TAF2: variants seen among roughly 807,000 people sequenced by gnomAD.
TAF2 encodes transcription initiation factor TFIID subunit 2.
Under a neutral mutation model 138.5 loss-of-function variants are expected in TAF2, and 61 were observed. The ratio of observed to expected loss-of-function variants is 0.44; its 90% CI spans 0.36 to 0.54. The LOEUF (loss-of-function observed/expected upper bound fraction) is 0.54, where lower values mean the gene tolerates loss of function less well. Ranked by LOEUF, TAF2 falls within the 20% of genes least tolerant of loss-of-function variation. The pLI is 0.00. For synonymous variants in TAF2, 475 were observed against 469.9 expected (o/e 1.01, Z -0.14); for missense variants, 1,090 against 1,427.9 (o/e 0.76, Z 3.81).
Position 119,819,515 on chromosome 8 carries a change from A to G in TAF2, c.139-9T>C. On this transcript the variant is annotated splice_polypyrimidine_tract_variant and intron_variant, in intron 2 of 25. Coordinates refer to ENST00000378164, the MANE Select transcript of TAF2 (RefSeq NM_003184.4). ...GTCAGTTCCACAAATCCCTGTAAAG[A>G]TAGAGAATAACAACTTCATTATAAA... 1 of 1,599,266 alleles carries G rather than the reference A, an allele frequency of 6.3e-7. No homozygotes were observed. The highest frequency in any genetic ancestry group is 8.5e-7 in the Non-Finnish European group (1 of 1,174,740).
At chr8:119,776,281 A>ATT (rs1245127718) in intron 18 of TAF2, among the ~76,000 whole-genome samples, 5 of 151,968 alleles carry the variant, frequency 3.3e-5, no homozygotes, top group African/African-American at 1.2e-4. Flanking sequence ...TGAATGTTAA[A>ATT]CTAAAGAGGC....
At chr8:119,774,251 G>A (rs1822060929) in intron 18 of TAF2, among the ~76,000 whole-genome samples, 1 of 152,002 alleles carries the variant, frequency 6.6e-6, no homozygotes, top group Non-Finnish European at 1.5e-5. Context: ...ACTCATCACA[G>A]TATCATCAAA....
Position 119,731,486 on chromosome 8 carries a change from T to C in TAF2, c.*438A>G, listed in dbSNP as rs1362996319. On this transcript the variant is annotated 3_prime_UTR_variant, in exon 26 of 26. Transcript: ENST00000378164. ...TTTTCAGTAGTTCCAAATGGTGTTATACAATATTTCACTGGAGATAGTGGT... is the reference window on the plus strand; with the variant it reads ...TTTTCAGTAGTTCCAAATGGTGTTACACAATATTTCACTGGAGATAGTGGT... The C allele has an allele frequency of 1.5e-5, 3 of 206,622 alleles. No individual in the cohort carries two copies. The highest frequency in any genetic ancestry group is 3.0e-5 in the Non-Finnish European group (3 of 100,476). 12.8% of individuals were successfully genotyped at this position (206,622 alleles called of 1,614,324 possible).
chr8:119,799,515 T>C (rs1326926230), intron 6 of TAF2, among the ~76,000 whole-genome samples: 1 of 152,206 alleles, frequency 6.6e-6, no homozygotes, highest in Non-Finnish European at 1.5e-5. Context: ...TAGTATTCCA[T>C]GATGCATATG....
chr8:119,772,328 T>C (rs575576533), intron 18 of TAF2, among the ~76,000 whole-genome samples: 7 of 152,328 alleles, frequency 4.6e-5, no homozygotes, highest in African/African-American at 1.7e-4. Flanking sequence ...TGGAAGCCAT[T>C]ATCCTAAGTG....
rs758792791 is a variant in TAF2, at chr8:119,795,592, G to A, written c.1131C>T (p.Ile377=). 1.2e-6 allele frequency: 2 copies of A among 1,613,614 alleles called. No homozygotes were observed. Among genetic ancestry groups the A allele is most frequent in the East Asian group, 2.2e-5 (1 of 44,838 alleles). The change falls in exon 9 of 26, where the codon ATC becomes ATT. Residue 377 remains isoleucine (I), a synonymous_variant. Coordinates refer to ENST00000378164, the MANE Select transcript of TAF2 (RefSeq NM_003184.4). ...EWVLKGISGY[I]YGLWMKKTFG... ...AAGTTTTTTTCATCCAAAGTCCATAGATATAGCCTGAAATTCCCTTCAGCA... is the reference window on the plus strand; with the variant it reads ...AAGTTTTTTTCATCCAAAGTCCATAAATATAGCCTGAAATTCCCTTCAGCA...
chr8:119,819,925 A>T (rs1433900037), intron 2 of TAF2, among the ~76,000 whole-genome samples: 1 of 152,238 alleles, frequency 6.6e-6, no homozygotes, highest in African/African-American at 2.4e-5. Context: ...ATACCACTGA[A>T]GCTAACAAGT....
chr8:119,795,209 G>A (rs1823739014), intron 9 of TAF2, among the ~76,000 whole-genome samples: 1 of 152,118 alleles, frequency 6.6e-6, no homozygotes, highest in Non-Finnish European at 1.5e-5. Context: ...ACAGAGACTT[G>A]GAAAGATTAA....
rs956748 is a variant in TAF2, at chr8:119,732,109, T to C, written c.3415A>G (p.Thr1139Ala). ...APLSVFTKES[T>A]ASKHSDHHHH... ...TGGTGGTCACTGTGTTTGGAGGCTGTAGATTCCTTAGTAAAGACTGAGAGT... is the reference window on the plus strand; with the variant it reads ...TGGTGGTCACTGTGTTTGGAGGCTGCAGATTCCTTAGTAAAGACTGAGAGT... Residue 1139 changes from threonine to alanine, a missense_variant, in exon 26 of 26, where the codon ACA (threonine) becomes GCA (alanine). Physicochemically the swap from Thr to Ala is moderately conservative, Grantham distance 58 (BLOSUM62 0). This residue lies in a region of TAF2 where 580 missense variants were observed against 719.6 expected (regional missense o/e 0.81). Transcript: ENST00000378164. 143,942 of 1,613,892 alleles carry C rather than the reference T, an allele frequency of 0.089. 11,697 individuals carry two copies. Among genetic ancestry groups the C allele is most frequent in the African/African-American group, 0.43 (32,148 of 74,944 alleles).
chr8:119,831,949 A>C (rs1826476561), intron 1 of TAF2, among the ~76,000 whole-genome samples: 1 of 152,170 alleles, frequency 6.6e-6, no homozygotes, highest in African/African-American at 2.4e-5. Flanking sequence ...TCACGAGGTC[A>C]AGAGTTCGAG....
chr8:119,745,811 G>C (rs1027724955), intron 23 of TAF2, among the ~76,000 whole-genome samples: 183 of 139,408 alleles, frequency 1.3e-3, no homozygotes, highest in Admixed American at 5.2e-3. Flanking sequence ...GTGTGTGTGT[G>C]TGTGTGTGTG....
intron 5 of TAF2, among the ~76,000 whole-genome samples, chr8:119,802,846 A>T (rs1036300090): frequency 3.3e-5 from 5 of 152,188 alleles, no homozygotes; most frequent in African/African-American, 9.6e-5. Flanking sequence ...TGGAAGGTGG[A>T]GGTTGCATGA....
chr8:119,800,515 G>C (rs983814683), intron 6 of TAF2, among the ~76,000 whole-genome samples: 3 of 152,018 alleles, frequency 2.0e-5, no homozygotes, highest in African/African-American at 7.2e-5. Flanking sequence ...CTCTGTTTTG[G>C]TACCAGTACC....
intron 23 of TAF2, among the ~76,000 whole-genome samples, chr8:119,746,373 CA>C (rs11392436): frequency 0.13 from 6,875 of 53,890 alleles, 78 homozygotes; most frequent in South Asian, 0.21. Context: ...AACTCTGTCT[CA>C]AAAAAAAAAA....
At chr8:119,818,976 T>C (rs1825659776) in intron 3 of TAF2, among the ~76,000 whole-genome samples, 1 of 152,172 alleles carries the variant, frequency 6.6e-6, no homozygotes, top group Non-Finnish European at 1.5e-5. Context: ...TATAGAATAT[T>C]TTAAAGTAGC....
At chr8:119,803,755 G>T in intron 5 of TAF2, 123 bp downstream of exon 5, 1 of 981,298 alleles carries the variant, frequency 1.0e-6, no homozygotes, top group Non-Finnish European at 1.5e-6. Flanking sequence ...TAATTTGAAA[G>T]AAGTCTAAAT....
chr8:119,799,594 T>G lies in TAF2; in HGVS notation c.793-1748A>C, dbSNP rs546673675. The stretch of plus-strand genomic sequence containing the variant: ...GGTTCCAAGTCTTTGCTATTGTGAA[T>G]AGTGCTGCAATAAACACACATGTGC... On this transcript the variant is annotated intron_variant, in intron 6 of 25. Coordinates refer to ENST00000378164, the MANE Select transcript of TAF2 (RefSeq NM_003184.4). Among the ~76,000 whole-genome samples, 3 of 152,336 alleles carry G rather than the reference T, an allele frequency of 2.0e-5. No individual in the cohort carries two copies. In the South Asian group the frequency reaches 6.2e-4, roughly 32 times the overall value.
intron 23 of TAF2, among the ~76,000 whole-genome samples, chr8:119,746,452 A>G (rs1422922200): frequency 6.6e-6 from 1 of 151,560 alleles, no homozygotes; most frequent in Non-Finnish European, 1.5e-5. Context: ...GCTCAAGTAT[A>G]AAAAAAATAA....
At chr8:119,736,756 C>G (rs997656781) in intron 25 of TAF2, among the ~76,000 whole-genome samples, 94 of 152,068 alleles carry the variant, frequency 6.2e-4, no homozygotes, top group African/African-American at 2.2e-3. Context: ...TGGTTAACCT[C>G]AAAAAGAGTC....
Sources: gnomAD v4.1 joint callset for allele counts (sites outside exome capture counted in the v4.1 genomes callset) on GRCh38, gnomAD v4.1.1 for gene constraint, gnomAD v4.1.1 regional missense constraint, MANE v1.5 for transcripts, NCBI Gene and HGNC (gene_info 2026-07-23, HGNC 2026-07-21) for gene names.